The following HMGA2 variants were observed in gnomAD, a reference collection of about 807,000 sequenced individuals.
HMGA2 encodes high mobility group protein HMGI-C.
HMGA2 carries 8 observed loss-of-function variants against 19.1 expected under a neutral mutation model. The ratio of observed to expected loss-of-function variants is 0.42; its 90% CI spans 0.25 to 0.76. HMGA2 has a LOEUF of 0.76. HMGA2 is among the 30% of genes least tolerant of loss of function. The pLI is 0.28. For synonymous variants in HMGA2, 60 were observed against 48.8 expected, an observed-to-expected ratio of 1.23 and a Z score of -0.96; for missense variants, 109 against 136.3, an observed-to-expected ratio of 0.80 and a Z score of 1.00.
chr12:65,887,732 A>T (rs932729956), intron 3 of HMGA2, among the ~76,000 whole-genome samples: 6 of 152,138 alleles, frequency 3.9e-5, no homozygotes, highest in African/African-American at 1.4e-4. Flanking sequence ...GGATTTGTAA[A>T]ATTTTAAAAA....
rs1400716957 is a variant in HMGA2 at position 65,965,660 on chromosome 12, A to G, written c.*2368A>G. The G allele has an allele frequency of 4.5e-6, 1 of 221,686 alleles. No individual in the cohort carries two copies. Among genetic ancestry groups the G allele is most frequent in the Admixed American group, 5.8e-5 (1 of 17,352 alleles). The allele number at this position is 221,686 out of a possible 1,614,324, so 13.7% of individuals were successfully genotyped here. A position where few individuals can be genotyped will look rare whatever the true frequency, so the allele number is the denominator to read the frequency against. On this transcript the variant is annotated 3_prime_UTR_variant, in exon 5 of 5. Transcript: ENST00000403681. ...CTCATAAAAATAAAAGTCGCATTCCATATCTTTGGATGGGCCTTTTAGAAA... is the reference window on the plus strand; with the variant it reads ...CTCATAAAAATAAAAGTCGCATTCCGTATCTTTGGATGGGCCTTTTAGAAA...
Position 65,825,486 on chromosome 12 carries a change from G to C in HMGA2, c.111+105G>C. On this transcript the variant is annotated intron_variant, in intron 1 of 4. Transcript: ENST00000403681. This position sits in a 1 kb window ranked among gnomAD's most constrained non-coding sequence, Gnocchi z 4.4. ...GTGCGGGAGCCCAGTCGCCGCGGCCGTCGCACACTGCCCGCCGGCCGGCCG... is the reference window on the plus strand; with the variant it reads ...GTGCGGGAGCCCAGTCGCCGCGGCCCTCGCACACTGCCCGCCGGCCGGCCG... 1 of 682,680 alleles carries C rather than the reference G, an allele frequency of 1.5e-6. No individual in the cohort carries two copies. Among genetic ancestry groups the C allele is most frequent in the Non-Finnish European group, 2.1e-6 (1 of 484,026 alleles). The allele number at this position is 682,680 out of a possible 1,614,324, so 42.3% of individuals were successfully genotyped here.
At chr12:65,854,359 C>T (rs1025327078) in intron 3 of HMGA2, among the ~76,000 whole-genome samples, 4 of 152,200 alleles carry the variant, frequency 2.6e-5, no homozygotes, top group African/African-American at 9.6e-5. Context: ...CTTTCAGAGA[C>T]GTGCCTTGTG....
At chr12:65,898,478 C>T (rs1347687397) in intron 3 of HMGA2, among the ~76,000 whole-genome samples, 1 of 152,114 alleles carries the variant, frequency 6.6e-6, no homozygotes, top group Non-Finnish European at 1.5e-5. Flanking sequence ...ATTACCCAGT[C>T]CTGGAAAGGT....
chr12:65,943,387 C>T (rs1876155835), intron 3 of HMGA2, among the ~76,000 whole-genome samples: 1 of 152,112 alleles, frequency 6.6e-6, no homozygotes, highest in Non-Finnish European at 1.5e-5. Flanking sequence ...GTATCAGCCC[C>T]CCAGTCTGTT....
intron 3 of HMGA2, among the ~76,000 whole-genome samples, chr12:65,916,910 C>T (rs1875122749): frequency 6.6e-6 from 1 of 152,190 alleles, no homozygotes; most frequent in African/African-American, 2.4e-5. Context: ...TGTGAGGTAG[C>T]CCGCAGAGGC....
In HMGA2 at chr12:65,914,347, C is replaced by T. The variant is rs549004311; in HGVS notation, c.250-37036C>T. On this transcript the variant is annotated intron_variant, in intron 3 of 4. Coordinates refer to ENST00000403681, the MANE Select transcript of HMGA2 (RefSeq NM_003483.6). ...GATGAGTTCACGTCCTTTGTAGGGA[C>T]AAGGATGAAATTGGAAATCATCATT... Among the ~76,000 whole-genome samples, 14 of 152,034 alleles carry T rather than the reference C, an allele frequency of 9.2e-5. No individual in the cohort carries two copies. The South Asian group carries it at 2.7e-3, about 29-fold the overall frequency.
At chr12:65,827,682 C>T (rs564285209) in intron 1 of HMGA2, among the ~76,000 whole-genome samples, 1 of 152,328 alleles carries the variant, frequency 6.6e-6, no homozygotes, top group East Asian at 1.9e-4. Flanking sequence ...AAATGCATAG[C>T]CCTGTAAACT....
At chr12:65,916,009 C>T (rs975483488) in intron 3 of HMGA2, among the ~76,000 whole-genome samples, 2 of 152,094 alleles carry the variant, frequency 1.3e-5, no homozygotes, top group African/African-American at 4.8e-5. Flanking sequence ...CACTAATAAC[C>T]TTCCTAGGAG....
At chr12:65,916,398 T>C (rs1875103054) in intron 3 of HMGA2, among the ~76,000 whole-genome samples, 1 of 152,256 alleles carries the variant, frequency 6.6e-6, no homozygotes, top group African/African-American at 2.4e-5. Context: ...TTGATGGATA[T>C]GCTTGAAATT....
In HMGA2 at chr12:65,963,277, T is replaced by C. The variant is rs201860923; in HGVS notation, c.315T>C (p.Ser105=). The C allele has an allele frequency of 1.6e-4, 253 of 1,613,758 alleles. No homozygotes were observed. The highest frequency in any genetic ancestry group is 8.5e-4 in the African/African-American group (64 of 74,948). Residue 105 remains serine, a synonymous_variant, in exon 5 of 5, where the codon TCT becomes TCC. Transcript: ENST00000403681. Reference sequence around the variant, plus strand: ...CTGAAGAGACATCCTCACAAGAGTCTGCCGAAGAGGACTAGGGGGCGCCAA... The same window carrying C: ...CTGAAGAGACATCCTCACAAGAGTCCGCCGAAGAGGACTAGGGGGCGCCAA... The part of the protein sequence containing the change: ...EETEETSSQE[S]AEED
At chr12:65,878,301 A>T (rs1213233180) in intron 3 of HMGA2, among the ~76,000 whole-genome samples, 1 of 152,216 alleles carries the variant, frequency 6.6e-6, no homozygotes, top group African/African-American at 2.4e-5. Context: ...TGCTTGAAGA[A>T]CTGCCAAGCT....
intron 3 of HMGA2, among the ~76,000 whole-genome samples, chr12:65,940,732 T>TA (rs997513792): frequency 3.3e-4 from 51 of 152,300 alleles, no homozygotes; most frequent in Admixed American, 2.0e-4. Context: ...GGGTGGGTGT[T>TA]ATAGTTTCAT....
chr12:65,895,592 A>G (rs1874093258), intron 3 of HMGA2, among the ~76,000 whole-genome samples: 1 of 152,216 alleles, frequency 6.6e-6, no homozygotes, highest in African/African-American at 2.4e-5. Flanking sequence ...TTGTATAATA[A>G]AAACAATATA....
chr12:65,861,393 A>C (rs1872059286), intron 3 of HMGA2, among the ~76,000 whole-genome samples: 1 of 152,100 alleles, frequency 6.6e-6, no homozygotes, highest in Non-Finnish European at 1.5e-5. Context: ...AACAAAACAA[A>C]AAAAGGTAAT....
intron 3 of HMGA2, among the ~76,000 whole-genome samples, chr12:65,838,812 G>C (rs563950615): frequency 6.6e-6 from 1 of 152,166 alleles, no homozygotes; most frequent in Non-Finnish European, 1.5e-5. Context: ...AACATCAAAA[G>C]AGGCTCCACT....
rs181493309 is a variant in HMGA2 at position 65,922,945 on chromosome 12, G to A, written c.250-28438G>A. Among the ~76,000 whole-genome samples the A allele has an allele frequency of 1.6e-3, 246 of 152,028 alleles. 1 individual carries two copies. Among genetic ancestry groups the A allele is most frequent in the African/African-American group, 5.7e-3 (236 of 41,458 alleles). On this transcript the variant is annotated intron_variant, in intron 3 of 4. Coordinates refer to ENST00000403681, the MANE Select transcript of HMGA2 (RefSeq NM_003483.6). Reference sequence around the variant, plus strand: ...CACCACCATGTAAGAAGTGTCTTTCGCCTACCACCATGATTCTGAGGCCTC... The same window carrying A: ...CACCACCATGTAAGAAGTGTCTTTCACCTACCACCATGATTCTGAGGCCTC...
At chr12:65,930,013 GAAGA>G (rs1206001795) in intron 3 of HMGA2, among the ~76,000 whole-genome samples, 1 of 152,100 alleles carries the variant, frequency 6.6e-6, no homozygotes, top group Admixed American at 6.6e-5. Context: ...AAAAAGATGA[GAAGA>G]AAGAGGACAG....
At chr12:65,840,746 A>T (rs74323998) in intron 3 of HMGA2, among the ~76,000 whole-genome samples, 3,874 of 152,298 alleles carry the variant, frequency 0.025, 100 homozygotes, top group African/African-American at 0.067. Context: ...AAAGACGTGT[A>T]TAATCTTTCT....
Sources: allele counts gnomAD v4.1 joint callset (sites outside exome capture counted in the v4.1 genomes callset), GRCh38; gene constraint gnomAD v4.1.1; non-coding constraint Gnocchi (gnomAD v3.1); transcripts MANE v1.5; gene names NCBI Gene and HGNC (gene_info 2026-07-23, HGNC 2026-07-21).